The following GABRB2 variants were observed in gnomAD, a reference collection of about 807,000 sequenced individuals.
The protein encoded by GABRB2 is gamma-aminobutyric acid type A receptor subunit beta2, also known as gamma-aminobutyric acid receptor subunit beta-2.
A neutral mutation model predicts 54.7 loss-of-function variants in GABRB2; 16 were observed. That is an observed-to-expected ratio of 0.29 (90% CI 0.20 to 0.44). The LOEUF (loss-of-function observed/expected upper bound fraction) is 0.44, where lower values mean the gene tolerates loss of function less well. Among genes scored for constraint, GABRB2 ranks in the 20% least tolerant of loss-of-function variants. GABRB2 has a pLI of 1.00. For synonymous variants in GABRB2, 244 were observed against 233.8 expected (o/e 1.04, Z -0.40); for missense variants, 355 against 644.0 (o/e 0.55, Z 4.86).
At chr5:161,339,809 T>G (rs1754101728) in intron 5 of GABRB2, among the ~76,000 whole-genome samples, 1 of 152,044 alleles carries the variant, frequency 6.6e-6, no homozygotes. Context: ...TTAAGGACCT[T>G]GCTAAAAATC....
At chr5:161,332,752 T>TG (rs1561611253) in intron 7 of GABRB2, among the ~76,000 whole-genome samples, 1 of 152,184 alleles carries the variant, frequency 6.6e-6, no homozygotes, top group South Asian at 2.1e-4. Context: ...CCTATGATTT[T>TG]GGGGGGACAC....
rs562016111 is a variant in GABRB2, at chr5:161,441,069, C to T, written c.458+18555G>A. ...TTGGTCTGGGCAAAGATTTCGTGAG[C>T]AGTACCTGCAAGCACAGGCAACCAA... On this transcript the variant is annotated intron_variant, in intron 4 of 9. Transcript: ENST00000393959. 2.8e-4 allele frequency among the ~76,000 whole-genome samples: 43 copies of T among 152,228 alleles called. No individual in the cohort carries two copies. In the South Asian group the frequency reaches 5.2e-3, roughly 18 times the overall value.
intron 5 of GABRB2, among the ~76,000 whole-genome samples, chr5:161,404,602 G>A (rs564054986): frequency 6.6e-6 from 1 of 152,154 alleles, no homozygotes; most frequent in South Asian, 2.1e-4. Flanking sequence ...AAATATTAGA[G>A]TTTTAGCCTT....
rs1753821844 is a variant in GABRB2 at position 161,330,984 on chromosome 5, C to T, written c.976G>A (p.Val326Ile). ...CCCCTCCCAAAGAAGATGTAGTTGA[C>T]TAGGGCATATTCCAGAAGGGCCATG... ...VFMALLEYAL[V>I]NYIFFGRGPQ... Residue 326 changes from valine (V) to isoleucine (I), a missense_variant, in exon 8 of 10, where the codon GTC becomes ATC. By Grantham distance (29) the Val-to-Ile change is conservative (BLOSUM62 3). This residue lies in a region of GABRB2 where 25 missense variants were observed against 137.4 expected (regional missense o/e 0.18). Coordinates refer to ENST00000393959, the MANE Select transcript of GABRB2 (RefSeq NM_001371727.1). The T allele has an allele frequency of 6.2e-7, 1 of 1,614,030 alleles. No individual in the cohort carries two copies. The highest frequency in any genetic ancestry group is 1.3e-5 in the African/African-American group (1 of 74,920).
chr5:161,532,703 G>C (rs997309554), intron 3 of GABRB2, among the ~76,000 whole-genome samples: 7 of 152,126 alleles, frequency 4.6e-5, no homozygotes, highest in Admixed American at 3.3e-4. Flanking sequence ...ATTCCAGAGA[G>C]AGCCATACCT....
intron 3 of GABRB2, among the ~76,000 whole-genome samples, chr5:161,487,396 A>C (rs1758960311): frequency 6.6e-6 from 1 of 151,796 alleles, no homozygotes; most frequent in Non-Finnish European, 1.5e-5. Context: ...CATTGCCCAC[A>C]CTCTTATTGA....
intron 8 of GABRB2, chr5:161,330,096 G>A (rs1208043284): frequency 6.6e-6 from 1 of 151,320 alleles, no homozygotes; most frequent in Admixed American, 6.6e-5. Flanking sequence ...GGGGACCAAG[G>A]CTTCAGTATT....
intron 3 of GABRB2, among the ~76,000 whole-genome samples, chr5:161,507,557 A>C (rs2113394651): frequency 1.3e-5 from 2 of 152,136 alleles, no homozygotes; most frequent in Admixed American, 1.3e-4. Flanking sequence ...TCTATATGTA[A>C]AAATATATGT....
chr5:161,308,692 A>G (rs915180395), intron 9 of GABRB2, among the ~76,000 whole-genome samples: 4 of 152,170 alleles, frequency 2.6e-5, no homozygotes, highest in Non-Finnish European at 4.4e-5. Context: ...AGAATAGAGG[A>G]CCCAGAAATA....
chr5:161,372,587 C>G (rs1476984357), intron 5 of GABRB2, among the ~76,000 whole-genome samples: 1 of 152,022 alleles, frequency 6.6e-6, no homozygotes, highest in Non-Finnish European at 1.5e-5. Flanking sequence ...CTGTTCTGCC[C>G]TCAAAGGGAA....
intron 3 of GABRB2, among the ~76,000 whole-genome samples, chr5:161,506,350 TC>T (rs1759606452): frequency 6.6e-6 from 1 of 152,074 alleles, no homozygotes; most frequent in African/African-American, 2.4e-5. Context: ...AAGGTAAAAC[TC>T]CCATTAGGCA....
At chr5:161,444,631 C>A (rs1757562810) in intron 4 of GABRB2, among the ~76,000 whole-genome samples, 1 of 152,096 alleles carries the variant, frequency 6.6e-6, no homozygotes, top group African/African-American at 2.4e-5. Context: ...GAATTCATGA[C>A]AATTGCTGAT....
chr5:161,493,704 A>G (rs78058085), intron 3 of GABRB2, among the ~76,000 whole-genome samples: 2,824 of 151,850 alleles, frequency 0.019, 94 homozygotes, highest in African/African-American at 0.064. Context: ...TTCCACAAAT[A>G]ACTATGCATA....
intron 4 of GABRB2, among the ~76,000 whole-genome samples, chr5:161,442,770 T>C (rs1421847133): frequency 6.6e-6 from 1 of 150,840 alleles, no homozygotes; most frequent in Non-Finnish European, 1.5e-5. Flanking sequence ...CTCTTTCTTT[T>C]TTTTTGATCT....
intron 5 of GABRB2, among the ~76,000 whole-genome samples, chr5:161,350,817 C>T (rs537067728): frequency 1.9e-3 from 287 of 152,190 alleles, no homozygotes; most frequent in Non-Finnish European, 3.3e-3. Flanking sequence ...TGCTTCCTGC[C>T]CTCGAACATC....
At chr5:161,537,330 T>C (rs1291044250) in intron 3 of GABRB2, among the ~76,000 whole-genome samples, 2 of 152,194 alleles carry the variant, frequency 1.3e-5, no homozygotes, top group Non-Finnish European at 2.9e-5. Context: ...TCTATATAAC[T>C]GCTTCCTAAT....
At chr5:161,435,905 A>C (rs1208921650) in intron 4 of GABRB2, among the ~76,000 whole-genome samples, 3 of 152,218 alleles carry the variant, frequency 2.0e-5, no homozygotes, top group East Asian at 1.9e-4. Flanking sequence ...TCTTTAACAT[A>C]GGAGCTATAA....
Position 161,546,340 on chromosome 5 carries a change from G to A in GABRB2, c.151C>T (p.Leu51=). 6.2e-7 allele frequency: 1 copy of A among 1,614,182 alleles called. No homozygotes were observed. The highest frequency in any genetic ancestry group is 1.7e-5 in the Admixed American group (1 of 60,032). ...CCATTACCTCCAAAATCTGGTCTCA[G>A]ACGAATGTCATAGCCTTTCAGGAGT... ...DRLLKGYDIR[L]RPDFGGPPVA... The change falls in exon 2 of 10, where the codon CTG becomes TTG. Residue 51 remains leucine, a synonymous_variant. Transcript: ENST00000393959.
chr5:161,473,902 C>T (rs1241892825), intron 3 of GABRB2, among the ~76,000 whole-genome samples: 1 of 151,944 alleles, frequency 6.6e-6, no homozygotes, highest in Non-Finnish European at 1.5e-5. Flanking sequence ...ACCAGAACCC[C>T]TGTTTTCACC....
Sources: gnomAD v4.1 joint callset for allele counts (sites outside exome capture counted in the v4.1 genomes callset) on GRCh38, gnomAD v4.1.1 for gene constraint, gnomAD v4.1.1 regional missense constraint, MANE v1.5 for transcripts, NCBI Gene and HGNC (gene_info 2026-07-23, HGNC 2026-07-21) for gene names.